The following MACROD2 variants were observed in gnomAD, a reference collection of about 807,000 sequenced individuals.
MACROD2 encodes ADP-ribose glycohydrolase MACROD2.
MACROD2 carries 36 observed loss-of-function variants against 70.4 expected under a neutral mutation model. The observed-to-expected ratio is 0.51, with a 90% CI of 0.39 to 0.68. The LOEUF is 0.68. MACROD2 is among the 30% of genes least tolerant of loss of function. The pLI, the probability that MACROD2 is intolerant of heterozygous loss-of-function variation, is 0.00. For missense variants in MACROD2, 496 were observed against 538.4 expected (o/e 0.92, Z 0.78); for synonymous variants, 172 against 178.8 (o/e 0.96, Z 0.30).
rs929962180 is a variant in MACROD2 at position 15,624,298 on chromosome 20, T to C, written c.645+124451T>C. On this transcript the variant is annotated intron_variant, in intron 8 of 17. Coordinates refer to ENST00000684519, the MANE Select transcript of MACROD2 (RefSeq NM_001351661.2). ...GGCAATTGGATGGTGCCCACCCACATTGAAGGTGGGTCTTCCCCTCCCAGT... is the reference window on the plus strand; with the variant it reads ...GGCAATTGGATGGTGCCCACCCACACTGAAGGTGGGTCTTCCCCTCCCAGT... 5.9e-5 allele frequency among the ~76,000 whole-genome samples: 9 copies of C among 152,316 alleles called. No individual in the cohort carries two copies. The East Asian group carries it at 1.2e-3, about 20-fold the overall frequency.
intron 5 of MACROD2, among the ~76,000 whole-genome samples, chr20:14,915,564 A>G (rs1282029818): frequency 1.3e-5 from 2 of 152,168 alleles, no homozygotes; most frequent in Non-Finnish European, 2.9e-5. Context: ...AGTCAGATGA[A>G]AATGTGGTAA....
At chr20:15,621,017 G>A (rs1160235365) in intron 8 of MACROD2, among the ~76,000 whole-genome samples, 3 of 152,142 alleles carry the variant, frequency 2.0e-5, no homozygotes, top group Admixed American at 6.6e-5. Context: ...GGGGGCCTGG[G>A]GGAGAGAGGC....
At chr20:15,573,126 A>G (rs926626994) in intron 8 of MACROD2, among the ~76,000 whole-genome samples, 1 of 152,128 alleles carries the variant, frequency 6.6e-6, no homozygotes, top group Admixed American at 6.6e-5. Flanking sequence ...AATAACTGCA[A>G]TGTGTTGGCA....
intron 5 of MACROD2, among the ~76,000 whole-genome samples, chr20:15,127,838 G>T (rs1271459710): frequency 6.6e-6 from 1 of 152,062 alleles, no homozygotes; most frequent in South Asian, 2.1e-4. Flanking sequence ...ACTACATAGA[G>T]GTGTGAATTA....
chr20:14,794,112 G>A (rs2072483519), intron 5 of MACROD2, among the ~76,000 whole-genome samples: 2 of 152,076 alleles, frequency 1.3e-5, no homozygotes, highest in Admixed American at 6.6e-5. Flanking sequence ...GTGACTTTAT[G>A]TCCAGATTTG....
chr20:15,250,062 C>G (rs549311260), intron 6 of MACROD2, among the ~76,000 whole-genome samples: 1 of 152,318 alleles, frequency 6.6e-6, no homozygotes, highest in Admixed American at 6.5e-5. Flanking sequence ...TGTGTCTCCT[C>G]TGCTGCCACT....
At chr20:14,773,535 G>A (rs2072197777) in intron 5 of MACROD2, among the ~76,000 whole-genome samples, 1 of 151,914 alleles carries the variant, frequency 6.6e-6, no homozygotes, top group Non-Finnish European at 1.5e-5. Context: ...ATGTTGTCAT[G>A]TTATCACAAA....
chr20:14,311,726 C>G (rs2082568874), intron 3 of MACROD2, among the ~76,000 whole-genome samples: 1 of 152,032 alleles, frequency 6.6e-6, no homozygotes, highest in African/African-American at 2.4e-5. Context: ...CCATGTTGGC[C>G]AGACTGGTGT....
intron 8 of MACROD2, among the ~76,000 whole-genome samples, chr20:15,591,638 G>A (rs1472337857): frequency 7.1e-6 from 1 of 139,970 alleles, no homozygotes; most frequent in Non-Finnish European, 1.5e-5. Context: ...TTCACCTGTT[G>A]AGTAAATTCA....
At chr20:15,178,224 C>T (rs2076476056) in intron 5 of MACROD2, among the ~76,000 whole-genome samples, 1 of 152,134 alleles carries the variant, frequency 6.6e-6, no homozygotes, top group South Asian at 2.1e-4. Context: ...TCTCTCCTTC[C>T]TTCTCTTGAT....
At chr20:14,552,076 A>G (rs900683363) in intron 4 of MACROD2, among the ~76,000 whole-genome samples, 1 of 151,912 alleles carries the variant, frequency 6.6e-6, no homozygotes, top group African/African-American at 2.4e-5. Flanking sequence ...CCTTAAAATG[A>G]CAAAGGCTTC....
At chr20:14,474,449 A>T (rs2084566349) in intron 3 of MACROD2, among the ~76,000 whole-genome samples, 1 of 152,162 alleles carries the variant, frequency 6.6e-6, no homozygotes, top group South Asian at 2.1e-4. Flanking sequence ...TATATTCTAC[A>T]GATGTTGGAA....
At chr20:14,623,439 T>G (rs1262041425) in intron 4 of MACROD2, among the ~76,000 whole-genome samples, 1 of 152,156 alleles carries the variant, frequency 6.6e-6, no homozygotes, top group Non-Finnish European at 1.5e-5. Context: ...TTTAACACCC[T>G]GGCAAGGGCT....
intron 15 of MACROD2, among the ~76,000 whole-genome samples, chr20:16,001,062 T>C (rs910227022): frequency 6.6e-6 from 1 of 152,232 alleles, no homozygotes; most frequent in Non-Finnish European, 1.5e-5. Flanking sequence ...CAGATCCTAC[T>C]GATTGTGCAA....
At chr20:14,065,041 A>G (rs913031226) in intron 2 of MACROD2, among the ~76,000 whole-genome samples, 1 of 152,190 alleles carries the variant, frequency 6.6e-6, no homozygotes, top group Admixed American at 6.5e-5. Context: ...AGAGATTAGC[A>G]TTATTTAAGG....
At chr20:15,567,771 A>G (rs1794861826) in intron 8 of MACROD2, among the ~76,000 whole-genome samples, 1 of 152,224 alleles carries the variant, frequency 6.6e-6, no homozygotes, top group African/African-American at 2.4e-5. Flanking sequence ...TACCATAGTG[A>G]AAGGGAAAAC....
At chr20:15,521,489 A>G (rs889294851) in intron 8 of MACROD2, among the ~76,000 whole-genome samples, 4 of 152,230 alleles carry the variant, frequency 2.6e-5, no homozygotes, top group African/African-American at 7.2e-5. Flanking sequence ...TTGAAGCCGG[A>G]TAAGTATTAA....
rs559320163 is a variant in MACROD2, at chr20:14,067,155, T to C, written c.164-18466T>C. ...TTTTTTTTTTTTTGAGACAGAGTCT[T>C]GCTCTGTTGCCAGGCTGGGGTGCAG... On this transcript the variant is annotated intron_variant, in intron 2 of 17. Coordinates refer to ENST00000684519, the MANE Select transcript of MACROD2 (RefSeq NM_001351661.2). Among the ~76,000 whole-genome samples, 78 of 139,704 alleles carry C rather than the reference T, an allele frequency of 5.6e-4. 2 individuals are homozygous for C. In the South Asian group the frequency reaches 0.018, roughly 32 times the overall value. The allele number at this position is 139,704 out of a possible 152,430, so 91.7% of individuals were successfully genotyped here. A position where few individuals can be genotyped will look rare whatever the true frequency, so the allele number is the denominator to read the frequency against.
At chr20:15,670,567 T>C (rs1031665789) in intron 8 of MACROD2, among the ~76,000 whole-genome samples, 2 of 152,232 alleles carry the variant, frequency 1.3e-5, no homozygotes, top group African/African-American at 4.8e-5. Context: ...TCATTTTTCA[T>C]AAATGTCCCA....
Sources: gnomAD v4.1 joint callset for allele counts (sites outside exome capture counted in the v4.1 genomes callset) on GRCh38, gnomAD v4.1.1 for gene constraint, MANE v1.5 for transcripts, NCBI Gene and HGNC (gene_info 2026-07-23, HGNC 2026-07-21) for gene names.